STAM2: variants seen among roughly 807,000 people sequenced by gnomAD.
STAM2 encodes the protein signal transducing adaptor molecule 2.
A neutral mutation model predicts 65.6 loss-of-function variants in STAM2; 51 were observed. The observed-to-expected ratio is 0.78, with a 90% CI of 0.62 to 0.98. STAM2 has a LOEUF of 0.98. Ranked by LOEUF, STAM2 falls within the 50% of genes least tolerant of loss-of-function variation. The pLI is 0.00. For missense variants in STAM2, 584 were observed against 617.8 expected, an observed-to-expected ratio of 0.95 and a Z score of 0.58; for synonymous variants, 198 against 208.4, an observed-to-expected ratio of 0.95 and a Z score of 0.43.
At chr2:152,157,973 A>C (rs1299727357) in intron 1 of STAM2, among the ~76,000 whole-genome samples, 1 of 152,258 alleles carries the variant, frequency 6.6e-6, no homozygotes, top group Non-Finnish European at 1.5e-5. Flanking sequence ...AATATAAAAA[A>C]TTACTAAATA....
At chr2:152,141,647 A>G (rs541427242) in intron 7 of STAM2, among the ~76,000 whole-genome samples, 1 of 150,804 alleles carries the variant, frequency 6.6e-6, no homozygotes, top group Non-Finnish European at 1.5e-5. Flanking sequence ...CTGGAGTGCA[A>G]TGGCACGATC....
chr2:152,162,662 G>T (rs932036742), intron 1 of STAM2, among the ~76,000 whole-genome samples: 1 of 152,162 alleles, frequency 6.6e-6, no homozygotes, highest in Non-Finnish European at 1.5e-5. Flanking sequence ...TATAATTTGA[G>T]ATACAGTCTC....
chr2:152,138,936 T>C (rs561129904), intron 7 of STAM2, among the ~76,000 whole-genome samples: 1 of 152,308 alleles, frequency 6.6e-6, no homozygotes, highest in East Asian at 1.9e-4. Context: ...TACCCTTCCT[T>C]AGTGGTTCTA....
intron 1 of STAM2, among the ~76,000 whole-genome samples, chr2:152,160,414 G>A (rs1451217337): frequency 2.0e-5 from 3 of 151,374 alleles, no homozygotes; most frequent in African/African-American, 4.9e-5. Flanking sequence ...GTCTCTGCCC[G>A]GCCGCCCCAT....
intron 7 of STAM2, 59 bp downstream of exon 7, chr2:152,143,768 C>A: frequency 7.4e-7 from 1 of 1,350,850 alleles, no homozygotes; most frequent in Non-Finnish European, 1.0e-6. Context: ...ACTGAATACT[C>A]TGGATTCTAA....
At chr2:152,153,475 T>C (rs1689484456) in intron 1 of STAM2, among the ~76,000 whole-genome samples, 1 of 152,156 alleles carries the variant, frequency 6.6e-6, no homozygotes, top group African/African-American at 2.4e-5. Context: ...CCAATGCAGT[T>C]AACCTCAGTT....
At chr2:152,152,385 TAA>T (rs1016384103) in intron 1 of STAM2, among the ~76,000 whole-genome samples, 29 of 151,994 alleles carry the variant, frequency 1.9e-4, no homozygotes, top group African/African-American at 7.0e-4. Context: ...CCATCACTAC[TAA>T]AAATACAAAA....
chr2:152,152,867 G>A (rs1012372101), intron 1 of STAM2, among the ~76,000 whole-genome samples: 2 of 152,154 alleles, frequency 1.3e-5, no homozygotes, highest in African/African-American at 4.8e-5. Context: ...GAATGCAGGA[G>A]AATGATAAAC....
intron 1 of STAM2, among the ~76,000 whole-genome samples, chr2:152,161,627 A>G (rs1448315717): frequency 1.3e-5 from 2 of 151,646 alleles, no homozygotes; most frequent in African/African-American, 4.9e-5. Context: ...AAATAATTCT[A>G]CTCCTTCTCT....
intron 13 of STAM2, among the ~76,000 whole-genome samples, chr2:152,121,074 C>T (rs933979880): frequency 1.3e-5 from 2 of 152,082 alleles, no homozygotes; most frequent in African/African-American, 4.8e-5. Flanking sequence ...AGCAATCCTC[C>T]TGCCTTAAGC....
In STAM2 at chr2:152,150,157, C is replaced by T. The variant is rs1289904508; in HGVS notation, c.113G>A (p.Ser38Asn). Residue 38 changes from serine (S) to asparagine (N), a missense_variant, in exon 2 of 14, where the codon AGT becomes AAT. Transcript: ENST00000263904. ...CTGGACATCTTACCCATTAGGAGTA[C>T]TTCCAACTTTGTCACATATGTCCAT... is the stretch of plus-strand genomic sequence containing the variant. ...LIMDICDKVG[S>N]TPNGAKDCLK... 4.3e-6 allele frequency: 7 copies of T among 1,611,548 alleles called. No homozygotes were observed. The African/African-American group carries it at 9.3e-5, about 22-fold the overall frequency.
intron 1 of STAM2, among the ~76,000 whole-genome samples, chr2:152,159,389 T>C (rs1342805389): frequency 6.6e-6 from 1 of 152,070 alleles, no homozygotes; most frequent in Non-Finnish European, 1.5e-5. Context: ...TAGAATTAAT[T>C]TGCATACATT....
chr2:152,122,932 T>A (rs2105526704), intron 13 of STAM2, among the ~76,000 whole-genome samples: 1 of 151,506 alleles, frequency 6.6e-6, no homozygotes, highest in East Asian at 1.9e-4. Flanking sequence ...CAGAACATGG[T>A]GGTGCTTGCC....
At chr2:152,125,321 T>C (rs1163530664) in intron 12 of STAM2, among the ~76,000 whole-genome samples, 1 of 152,226 alleles carries the variant, frequency 6.6e-6, no homozygotes, top group African/African-American at 2.4e-5. Context: ...ACGTGACAGT[T>C]ACCATAGTGA....
chr2:152,132,586 A>G (rs554028922), intron 10 of STAM2, among the ~76,000 whole-genome samples: 19 of 152,304 alleles, frequency 1.2e-4, no homozygotes, highest in African/African-American at 3.6e-4. Flanking sequence ...GTATTTCCCA[A>G]TGTGAACACT....
At chr2:152,136,733 T>A (rs1689162111) in intron 7 of STAM2, among the ~76,000 whole-genome samples, 1 of 152,180 alleles carries the variant, frequency 6.6e-6, no homozygotes, top group Non-Finnish European at 1.5e-5. Flanking sequence ...GCCATATTTA[T>A]CCATTCCTGT....
intron 1 of STAM2, among the ~76,000 whole-genome samples, chr2:152,167,510 T>C (rs886480642): frequency 3.3e-5 from 5 of 152,160 alleles, no homozygotes; most frequent in Admixed American, 6.5e-5. Context: ...GGAACTAATA[T>C]CCTTCTCACC....
At chr2:152,146,153 C>T (rs1377852755) in intron 5 of STAM2, among the ~76,000 whole-genome samples, 7 of 151,736 alleles carry the variant, frequency 4.6e-5, no homozygotes, top group Non-Finnish European at 7.4e-5. Flanking sequence ...CACCTGCAAT[C>T]CCAGCTACTC....
chr2:152,162,288 GGGACT>G (rs1270546229), intron 1 of STAM2, among the ~76,000 whole-genome samples: 3 of 152,172 alleles, frequency 2.0e-5, no homozygotes, highest in African/African-American at 7.2e-5. Flanking sequence ...CCCATAAGTG[GGGACT>G]GGGCCCGGTG....
Sources: gnomAD v4.1 joint callset for allele counts (sites outside exome capture counted in the v4.1 genomes callset) on GRCh38, gnomAD v4.1.1 for gene constraint, MANE v1.5 for transcripts, NCBI Gene and HGNC (gene_info 2026-07-23, HGNC 2026-07-21) for gene names.